The following PTBP2 variants were observed in gnomAD, a reference collection of about 807,000 sequenced individuals.
PTBP2 encodes polypyrimidine tract-binding protein 2.
A neutral mutation model predicts 61.4 loss-of-function variants in PTBP2; 13 were observed. The observed-to-expected ratio is 0.21, with a 90% CI of 0.14 to 0.34. The LOEUF (loss-of-function observed/expected upper bound fraction) is 0.34. Ranked by LOEUF, PTBP2 falls within the 10% of genes least tolerant of loss-of-function variation. The probability of loss-of-function intolerance (pLI) is 1.00; values close to 1 mark genes in which losing one functional copy is unlikely to be tolerated. For synonymous variants in PTBP2, 215 were observed against 218.5 expected, an observed-to-expected ratio of 0.98 and a Z score of 0.14; for missense variants, 405 against 642.6, an observed-to-expected ratio of 0.63 and a Z score of 4.00.
chr1:96,751,415 G>C lies in PTBP2; in HGVS notation c.40-10G>C, dbSNP rs1310237918. 6.2e-7 allele frequency: 1 copy of C among 1,605,918 alleles called. No individual in the cohort carries two copies. Among genetic ancestry groups the C allele is most frequent in the Non-Finnish European group, 8.5e-7 (1 of 1,173,970 alleles). On this transcript the variant is annotated splice_polypyrimidine_tract_variant and intron_variant, in intron 2 of 13. Transcript: ENST00000674951. ...AGATGTCTTATGCTAATTTGTTTTT[G>C]TTTTCATAGAGAGGATCTGACGAAC...
downstream of PTBP2, chr1:96,819,479 AAC>A (rs963471986): frequency 2.0e-5 from 3 of 151,940 alleles, no homozygotes; most frequent in African/African-American, 4.8e-5. Context: ...TCCATCACTT[AAC>A]ACTGTTTATT....
intron 8 of PTBP2, among the ~76,000 whole-genome samples, chr1:96,799,337 C>T (rs1459490280): frequency 6.1e-5 from 7 of 114,868 alleles, no homozygotes; most frequent in Non-Finnish European, 1.1e-4. Context: ...GCTCTGTCGC[C>T]CAGGCTGGAG....
intron 2 of PTBP2, among the ~76,000 whole-genome samples, chr1:96,743,909 G>T (rs917767036): frequency 2.0e-5 from 3 of 152,116 alleles, no homozygotes; most frequent in South Asian, 2.1e-4. Context: ...TAAAAACACG[G>T]TGGCTAAAGC....
intron 2 of PTBP2, among the ~76,000 whole-genome samples, chr1:96,734,917 T>TTTTTTTTTTTTTC (rs1557689561): frequency 6.7e-6 from 1 of 148,900 alleles, no homozygotes. Flanking sequence ...TTTTTTTTTT[T>TTTTTTTTTTTTTC]TTTTTCCTGC....
intron 3 of PTBP2, among the ~76,000 whole-genome samples, chr1:96,767,861 T>G (rs1041231425): frequency 2.0e-5 from 3 of 152,116 alleles, no homozygotes; most frequent in Non-Finnish European, 4.4e-5. Flanking sequence ...AGTTTTTTCA[T>G]ATTTCTGGAG....
intron 2 of PTBP2, among the ~76,000 whole-genome samples, chr1:96,733,523 T>G (rs1442425309): frequency 6.6e-6 from 1 of 151,902 alleles, no homozygotes; most frequent in Non-Finnish European, 1.5e-5. Flanking sequence ...TACAAAAACT[T>G]TTAAAAATTA....
At chr1:96,735,330 T>C (rs1017780024) in intron 2 of PTBP2, among the ~76,000 whole-genome samples, 6 of 152,216 alleles carry the variant, frequency 3.9e-5, no homozygotes, top group African/African-American at 1.4e-4. Flanking sequence ...GTTGGAACTA[T>C]TGATGGTGGA....
chr1:96,731,112 A>G (rs964108604), intron 2 of PTBP2, among the ~76,000 whole-genome samples: 9 of 152,162 alleles, frequency 5.9e-5, no homozygotes, highest in African/African-American at 2.2e-4. Context: ...CAGTGTAGTT[A>G]CTGGACATAC....
chr1:96,773,956 C>G (rs1284936025), intron 5 of PTBP2, among the ~76,000 whole-genome samples: 2 of 126,298 alleles, frequency 1.6e-5, no homozygotes, highest in African/African-American at 2.9e-5. Flanking sequence ...GAGCGAGACT[C>G]TGTCTCAAAA....
At chr1:96,737,516 G>A (rs999339247) in intron 2 of PTBP2, among the ~76,000 whole-genome samples, 1 of 152,146 alleles carries the variant, frequency 6.6e-6, no homozygotes, top group Non-Finnish European at 1.5e-5. Context: ...TATGTTAATA[G>A]CGTGGAAAGG....
rs1197837477 is a variant in PTBP2, at chr1:96,813,845, G to C, written c.*440G>C. The C allele has an allele frequency of 6.6e-6, 1 of 152,524 alleles. No homozygotes were observed. Among genetic ancestry groups the C allele is most frequent in the Non-Finnish European group, 1.5e-5 (1 of 68,164 alleles). The allele number at this position is 152,524 out of a possible 1,614,324, so 9.4% of individuals were successfully genotyped here. A position where few individuals can be genotyped will look rare whatever the true frequency, so the allele number is the denominator to read the frequency against. On this transcript the variant is annotated 3_prime_UTR_variant, in exon 14 of 14. Transcript: ENST00000674951. ...AAAAGGTTAAGTTTTTGTTTCTCCT[G>C]CTTGGAACTTATTTTGAATTACTGG...
intron 8 of PTBP2, among the ~76,000 whole-genome samples, chr1:96,792,570 T>C (rs1220725190): frequency 6.6e-6 from 1 of 152,252 alleles, no homozygotes; most frequent in Admixed American, 6.5e-5. Context: ...ATAGTAAAAA[T>C]TTAAGTCCCA....
chr1:96,737,653 T>A (rs376091892), intron 2 of PTBP2, among the ~76,000 whole-genome samples: 3 of 152,182 alleles, frequency 2.0e-5, no homozygotes, highest in African/African-American at 7.2e-5. Flanking sequence ...AATTGGGACA[T>A]GTTGAGGAAG....
chr1:96,727,093 T>C (rs975263649), intron 2 of PTBP2, among the ~76,000 whole-genome samples: 1 of 152,146 alleles, frequency 6.6e-6, no homozygotes, highest in African/African-American at 2.4e-5. Flanking sequence ...ACCACTGATC[T>C]GCTTTCTGTC....
rs531368268 is a variant in PTBP2, at chr1:96,735,601, A to C, written c.39+12007A>C. Reference sequence around the variant, plus strand: ...AGGAACACTTTTATGGAAATCAAATACAGTAAATTAATTTCTAAGAGGTCC... The same window carrying C: ...AGGAACACTTTTATGGAAATCAAATCCAGTAAATTAATTTCTAAGAGGTCC... On this transcript the variant is annotated intron_variant, in intron 2 of 13. Coordinates refer to ENST00000674951, the MANE Select transcript of PTBP2 (RefSeq NM_021190.4). 7.9e-5 allele frequency among the ~76,000 whole-genome samples: 12 copies of C among 152,354 alleles called. No individual in the cohort carries two copies. In the South Asian group the frequency reaches 2.5e-3, roughly 32 times the overall value.
chr1:96,728,592 T>C (rs1208414769), intron 2 of PTBP2, among the ~76,000 whole-genome samples: 2 of 152,232 alleles, frequency 1.3e-5, no homozygotes, highest in African/African-American at 4.8e-5. Flanking sequence ...TGTAGCTTTA[T>C]ATTGAGTCTT....
intron 8 of PTBP2, among the ~76,000 whole-genome samples, chr1:96,799,104 A>G (rs1249746732): frequency 2.0e-5 from 3 of 152,294 alleles, no homozygotes; most frequent in East Asian, 3.9e-4. Flanking sequence ...GTTAGGAATA[A>G]TAGTGTCAGA....
intron 5 of PTBP2, chr1:96,771,137 C>T: frequency 5.4e-6 from 1 of 183,976 alleles, no homozygotes; most frequent in Non-Finnish European, 1.1e-5. Flanking sequence ...ATACAACTCT[C>T]CTGCTTAGAA....
intron 11 of PTBP2, 149 bp downstream of exon 11, chr1:96,807,107 G>C (rs1433082904): frequency 1.6e-5 from 9 of 577,118 alleles, no homozygotes; most frequent in Non-Finnish European, 2.3e-5. Flanking sequence ...GTGAATAGTT[G>C]TATGTGACGA....
Sources: gnomAD v4.1 joint callset for allele counts (sites outside exome capture counted in the v4.1 genomes callset) on GRCh38, gnomAD v4.1.1 for gene constraint, MANE v1.5 for transcripts, NCBI Gene and HGNC (gene_info 2026-07-23, HGNC 2026-07-21) for gene names.